NUBPL: variants seen among roughly 807,000 people sequenced by gnomAD.
NUBPL encodes the protein iron-sulfur cluster transfer protein NUBPL.
In NUBPL, 31 loss-of-function variants were observed where a neutral mutation model predicts 45.7. That is an observed-to-expected ratio of 0.68 (90% confidence interval 0.51 to 0.92). The LOEUF is 0.92. NUBPL is among the 40% of genes least tolerant of loss of function. The probability of loss-of-function intolerance (pLI) is 0.00; values close to 1 mark genes in which losing one functional copy is unlikely to be tolerated. For missense variants in NUBPL, 401 were observed against 398.7 expected, an observed-to-expected ratio of 1.01 and a Z score of -0.05; for synonymous variants, 144 against 140.9, an observed-to-expected ratio of 1.02 and a Z score of -0.15.
chr14:31,717,215 A>T (rs1243182285), intron 6 of NUBPL, among the ~76,000 whole-genome samples: 1 of 152,128 alleles, frequency 6.6e-6, no homozygotes, highest in African/African-American at 2.4e-5. Flanking sequence ...TCCTGAATTC[A>T]CTTTGCTGTC....
Position 31,622,247 on chromosome 14 carries a change from C to T in NUBPL, c.382+22868C>T, listed in dbSNP as rs2035082659. Among the ~76,000 whole-genome samples, 3 of 152,216 alleles carry T rather than the reference C, an allele frequency of 2.0e-5. 1 individual carries two copies. The Middle Eastern group carries it at 0.01, about 518-fold the overall frequency. On this transcript the variant is annotated intron_variant, in intron 4 of 10. Coordinates refer to ENST00000281081, the MANE Select transcript of NUBPL (RefSeq NM_025152.3). ...GATGTGACCTGGCCTTTTCTGAAAG[C>T]ATACAGTCATATGCATTTACAAAGA... is the stretch of plus-strand genomic sequence containing the variant.
At chr14:31,628,635 T>C (rs952197308) in intron 4 of NUBPL, among the ~76,000 whole-genome samples, 2 of 152,232 alleles carry the variant, frequency 1.3e-5, no homozygotes, top group African/African-American at 4.8e-5. Context: ...CTTTTTTTTC[T>C]GTTCATCCTT....
intron 6 of NUBPL, among the ~76,000 whole-genome samples, chr14:31,676,033 T>A (rs1193921931): frequency 1.3e-5 from 2 of 152,104 alleles, no homozygotes; most frequent in Non-Finnish European, 2.9e-5. Flanking sequence ...TAGCTTTTTT[T>A]TTTTTTGAGA....
At chr14:31,714,663 C>G (rs901144494) in intron 6 of NUBPL, 1 of 152,196 alleles carries the variant, frequency 6.6e-6, no homozygotes, top group African/African-American at 2.4e-5. Context: ...GAACTGCTGG[C>G]GTGATCCACT....
chr14:31,638,115 A>ATT (rs941199212), intron 4 of NUBPL, among the ~76,000 whole-genome samples: 4 of 151,110 alleles, frequency 2.6e-5, no homozygotes, highest in African/African-American at 7.3e-5. Flanking sequence ...TTATGTGTGA[A>ATT]TTTGATCCTG....
chr14:31,824,436 T>C (rs934911588), intron 7 of NUBPL, among the ~76,000 whole-genome samples: 8 of 152,184 alleles, frequency 5.3e-5, no homozygotes, highest in Admixed American at 5.2e-4. Context: ...TAAACACAAA[T>C]TTCTTAAGTT....
chr14:31,823,644 C>A (rs923114191), intron 7 of NUBPL, among the ~76,000 whole-genome samples: 3 of 151,988 alleles, frequency 2.0e-5, no homozygotes, highest in African/African-American at 7.2e-5. Flanking sequence ...ATAGTGTAAT[C>A]ATAGAGATAG....
At chr14:31,844,286 T>A (rs1430092237) in intron 8 of NUBPL, 1 of 152,238 alleles carries the variant, frequency 6.6e-6, no homozygotes, top group Non-Finnish European at 1.5e-5. Context: ...TTTTTCCTTT[T>A]CTCACTTTTT....
At chr14:31,661,408 G>C (rs1406228654) in intron 4 of NUBPL, among the ~76,000 whole-genome samples, 1 of 152,150 alleles carries the variant, frequency 6.6e-6, no homozygotes, top group African/African-American at 2.4e-5. Flanking sequence ...AGGAGTTGCT[G>C]TACACATTTT....
chr14:31,682,913 G>C (rs951417824), intron 6 of NUBPL, among the ~76,000 whole-genome samples: 1 of 151,964 alleles, frequency 6.6e-6, no homozygotes, highest in Non-Finnish European at 1.5e-5. Context: ...TCTGGTGAAG[G>C]TTTCAGGCTG....
At chr14:31,701,514 C>T (rs558094854) in intron 6 of NUBPL, among the ~76,000 whole-genome samples, 9 of 152,368 alleles carry the variant, frequency 5.9e-5, no homozygotes, top group Middle Eastern at 3.4e-3. Flanking sequence ...TTTCGCTCTT[C>T]GCAATAAATC....
rs547989154 is a variant in NUBPL at position 31,604,732 on chromosome 14, A to G, written c.382+5353A>G. 1.1e-4 allele frequency among the ~76,000 whole-genome samples: 17 copies of G among 152,320 alleles called. No individual in the cohort carries two copies. The East Asian group carries it at 3.3e-3, about 29-fold the overall frequency. ...GGAGGGTGGGGGGAATTGTAGAAAA[A>G]CAACACATTTTGCATTTAAGACATT... On this transcript the variant is annotated intron_variant, in intron 4 of 10. Coordinates refer to ENST00000281081, the MANE Select transcript of NUBPL (RefSeq NM_025152.3).
intron 8 of NUBPL, among the ~76,000 whole-genome samples, chr14:31,839,963 C>T (rs535271001): frequency 3.3e-5 from 5 of 151,946 alleles, no homozygotes; most frequent in Admixed American, 2.6e-4. Flanking sequence ...AAAGTGTTGG[C>T]GAGGATGTGA....
rs1210445870 is a variant in NUBPL, at chr14:31,603,444, G to A, written c.382+4065G>A. Among the ~76,000 whole-genome samples, 3 of 151,508 alleles carry A rather than the reference G, an allele frequency of 2.0e-5. No homozygotes were observed. In the East Asian group the frequency reaches 5.8e-4, roughly 29 times the overall value. ...GTATAAAATTGAATAATTTCTTTTT[G>A]TTCTTATTGGGCTTTTTATTTTCCA... is the stretch of plus-strand genomic sequence containing the variant. On this transcript the variant is annotated intron_variant, in intron 4 of 10. Transcript: ENST00000281081.
intron 4 of NUBPL, among the ~76,000 whole-genome samples, chr14:31,601,349 ATGGCCATTTTCATGAT>A (rs1412025601): frequency 1.3e-5 from 2 of 152,172 alleles, no homozygotes; most frequent in African/African-American, 4.8e-5. Context: ...TTTGGGAAGT[ATGGCCATTTTCATGAT>A]ATTGATTCTT....
intron 4 of NUBPL, among the ~76,000 whole-genome samples, chr14:31,602,405 GA>G (rs35973457): frequency 1.4e-5 from 2 of 145,220 alleles, no homozygotes; most frequent in East Asian, 2.0e-4. Context: ...AAAAAAAAAA[GA>G]AAAAAAAAGC....
chr14:31,723,716 A>T (rs2037860677), intron 6 of NUBPL, among the ~76,000 whole-genome samples: 1 of 151,882 alleles, frequency 6.6e-6, no homozygotes, highest in Non-Finnish European at 1.5e-5. Flanking sequence ...GTTATGAATG[A>T]GATTGTGTTC....
Position 31,624,302 on chromosome 14 carries a change from G to A in NUBPL, c.382+24923G>A, listed in dbSNP as rs187716376. On this transcript the variant is annotated intron_variant, in intron 4 of 10. Coordinates refer to ENST00000281081, the MANE Select transcript of NUBPL (RefSeq NM_025152.3). The stretch of plus-strand genomic sequence containing the variant: ...ATCAGGATAGAGCAGATAGGAAAAA[G>A]GAATACATTTAAGAAATGTATTCTT... Among the ~76,000 whole-genome samples the A allele has an allele frequency of 2.2e-3, 341 of 152,130 alleles. 2 individuals carry two copies. The highest frequency in any genetic ancestry group is 6.8e-3 in the Middle Eastern group (2 of 294).
rs1555335613 is a variant in NUBPL, at chr14:31,760,144, T to TGAGAGA, written c.514-27603_514-27598dup. Among the ~76,000 whole-genome samples, 17 of 34,846 alleles carry TGAGAGA rather than the reference T, an allele frequency of 4.9e-4. 2 individuals carry two copies. The highest frequency in any genetic ancestry group is 1.9e-3 in the South Asian group (1 of 532). The allele number at this position is 34,846 out of a possible 152,430, so 22.9% of individuals were successfully genotyped here. A position where few individuals can be genotyped will look rare whatever the true frequency, so the allele number is the denominator to read the frequency against. Reference sequence around the variant, plus strand: ...TGACTTTAGTGTGTGTGTGTGTGTGTGAGAGAGAGAGAGAGAGAGAGAGAG... The same window carrying TGAGAGA: ...TGACTTTAGTGTGTGTGTGTGTGTGTGAGAGAGAGAGAGAGAGAGAGAGAGAGAGAG... On this transcript the variant is annotated intron_variant, in intron 6 of 10. Transcript: ENST00000281081.
Sources: allele counts gnomAD v4.1 joint callset (sites outside exome capture counted in the v4.1 genomes callset), GRCh38; gene constraint gnomAD v4.1.1; transcripts MANE v1.5; gene names NCBI Gene and HGNC (gene_info 2026-07-23, HGNC 2026-07-21).